The following ZNF845 variants were observed in gnomAD, a reference collection of about 807,000 sequenced individuals.
ZNF845 encodes the protein zinc finger protein 845.
Under a neutral mutation model 76.1 loss-of-function variants are expected in ZNF845, and 59 were observed. The observed-to-expected ratio is 0.78, with a 90% CI of 0.63 to 0.96. The LOEUF is 0.96. Ranked by LOEUF, ZNF845 falls within the 40% of genes least tolerant of loss-of-function variation. The pLI is 0.00. For missense variants in ZNF845, 1,045 were observed against 1,172.8 expected (o/e 0.89, Z 1.59); for synonymous variants, 361 against 386.9 (o/e 0.93, Z 0.78).
In ZNF845 at chr19:53,341,260, C is replaced by T. The variant is rs3746311; in HGVS notation, c.-48C>T. 0.02 allele frequency: 32,536 copies of T among 1,611,446 alleles called. 1,180 individuals are homozygous for T. Among genetic ancestry groups the T allele is most frequent in the East Asian group, 0.13 (5,700 of 44,838 alleles). ...GATTGACTTCTAAAGACTCTTGGTA[C>T]GTGAGGAAGAAACCCGGAAGAGGAA... On this transcript the variant is annotated 5_prime_UTR_variant, in exon 2 of 4. In the 5' UTR this introduces an upstream ATG that the reference lacks. Transcript: ENST00000458035.
chr19:53,335,776 GTT>G (rs1304544695), intron 1 of ZNF845, among the ~76,000 whole-genome samples: 1 of 151,802 alleles, frequency 6.6e-6, no homozygotes, highest in East Asian at 2.0e-4. Context: ...CTAATTTTGT[GTT>G]TTTAGTAGAG....
At chr19:53,339,622 C>T (rs892474159) in intron 1 of ZNF845, among the ~76,000 whole-genome samples, 2 of 152,184 alleles carry the variant, frequency 1.3e-5, no homozygotes, top group Non-Finnish European at 2.9e-5. Context: ...GTCTTAGACC[C>T]CAGGAATTTT....
At chr19:53,345,425 T>G in intron 2 of ZNF845, 81 bp from the exon 3 acceptor site, 1 of 1,607,748 alleles carries the variant, frequency 6.2e-7, no homozygotes, top group Non-Finnish European at 8.5e-7. Flanking sequence ...AAATCCATGC[T>G]TTCCTCTCTC....
At position 53,352,685 on chromosome 19, in the gene ZNF845, G is replaced by A; in HGVS notation, c.2010G>A (p.Lys670=). 6.2e-7 allele frequency: 1 copy of A among 1,613,642 alleles called. No individual in the cohort carries two copies. ...CTTACAGGTGTAATGAATGTGGCAA[G>A]ACCTTTAGTCGGAAGTCATACCTTA... ...EKPYRCNECG[K]TFSRKSYLTC... The change falls in exon 4 of 4, where the codon AAG becomes AAA. Residue 670 remains lysine, a synonymous_variant. Coordinates refer to ENST00000458035, the MANE Select transcript of ZNF845 (RefSeq NM_138374.3).
chr19:53,353,123 A>G lies in ZNF845; in HGVS notation c.2448A>G (p.Ser816=). ...NECGKNFRHN[S]ALVIHKAIHS... is the part of the protein sequence containing the mutation. The stretch of plus-strand genomic sequence containing the variant: ...GTGGCAAGAACTTCCGTCACAATTC[A>G]GCCCTTGTAATTCATAAGGCAATTC... Residue 816 remains serine (S), a synonymous_variant, in exon 4 of 4, where the codon TCA becomes TCG. Transcript: ENST00000458035. 4 of 1,598,882 alleles carry G rather than the reference A, an allele frequency of 2.5e-6. No individual in the cohort carries two copies. The highest frequency in any genetic ancestry group is 3.4e-6 in the Non-Finnish European group (4 of 1,166,968).
intron 1 of ZNF845, among the ~76,000 whole-genome samples, chr19:53,338,040 G>A (rs1009076707): frequency 6.6e-6 from 1 of 152,078 alleles, no homozygotes; most frequent in African/African-American, 2.4e-5. Flanking sequence ...AGTGTTTTGT[G>A]TCTCCCTTCT....
intron 1 of ZNF845, among the ~76,000 whole-genome samples, chr19:53,335,757 T>C (rs10409814): frequency 0.18 from 26,875 of 152,050 alleles, 3,150 homozygotes; most frequent in African/African-American, 0.32. Context: ...CATGAGCCAC[T>C]GCATCCAGCT....
At position 53,333,782 on chromosome 19, in the gene ZNF845, C is replaced by A; in HGVS notation, c.-84C>A. 6.3e-6 allele frequency: 1 copy of A among 159,964 alleles called. No homozygotes were observed. Among genetic ancestry groups the A allele is most frequent in the Non-Finnish European group, 1.4e-5 (1 of 72,600 alleles). 9.9% of individuals were successfully genotyped at this position (159,964 alleles called of 1,614,324 possible). The stretch of plus-strand genomic sequence containing the variant: ...AAGCGGATCGCATGGAGTGATGGTC[C>A]CACCGCAGCGGTGAGTTTTGCTCTG... On this transcript the variant is annotated 5_prime_UTR_variant, in exon 1 of 4. Coordinates refer to ENST00000458035, the MANE Select transcript of ZNF845 (RefSeq NM_138374.3).
intron 1 of ZNF845, among the ~76,000 whole-genome samples, chr19:53,338,694 GCACACACACACACACACACACA>G (rs57616883): frequency 7.1e-6 from 1 of 140,350 alleles, no homozygotes; most frequent in Non-Finnish European, 1.5e-5. Flanking sequence ...CAACACGTGA[GCACACACACACACACACACACA>G]CACACGCACA....
At chr19:53,341,378 C>T (rs2085255938) in intron 2 of ZNF845, 56 bp downstream of exon 2, 5 of 1,610,250 alleles carry the variant, frequency 3.1e-6, no homozygotes, top group Non-Finnish European at 4.2e-6. Context: ...AAATCCTGGG[C>T]CTTGGAGTTG....
At chr19:53,336,573 C>G (rs938856554) in intron 1 of ZNF845, among the ~76,000 whole-genome samples, 12 of 150,638 alleles carry the variant, frequency 8.0e-5, no homozygotes, top group African/African-American at 2.9e-4. Flanking sequence ...CTTTTGTTCT[C>G]GTTGTGTAAC....
intron 2 of ZNF845, among the ~76,000 whole-genome samples, chr19:53,342,928 C>T (rs898501582): frequency 9.9e-5 from 15 of 152,124 alleles, no homozygotes; most frequent in African/African-American, 3.4e-4. Context: ...AGGCGATTCT[C>T]CTGCCTCAGC....
At position 53,351,031 on chromosome 19, in the gene ZNF845, T is replaced by C; in HGVS notation, c.356T>C (p.Leu119Ser). The change falls in exon 4 of 4, where the codon TTG becomes TCG. Residue 119 changes from leucine (L) to serine (S), a missense_variant. Transcript: ENST00000458035. The stretch of plus-strand genomic sequence containing the variant: ...GCACCCATGACAGAAATCAAACAGT[T>C]GACGGGTAGTACAAACCGACATGAT... ...HEAPMTEIKQLTGSTNRHDQR... is the reference protein window; with the variant it reads ...HEAPMTEIKQSTGSTNRHDQR... 2 of 1,614,152 alleles carry C rather than the reference T, an allele frequency of 1.2e-6. No individual in the cohort carries two copies. Among genetic ancestry groups the C allele is most frequent in the Non-Finnish European group, 1.7e-6 (2 of 1,180,012 alleles).
In ZNF845 at chr19:53,351,638, T is replaced by C. The variant is rs1368424826; in HGVS notation, c.963T>C (p.His321=). 1 of 1,614,032 alleles carries C rather than the reference T, an allele frequency of 6.2e-7. No homozygotes were observed. Among genetic ancestry groups the C allele is most frequent in the South Asian group, 1.1e-5 (1 of 91,068 alleles). ...NSALVIHKAI[H]TGEKSYKCNE... ...CCCTTGTAATTCATAAGGCAATTCA[T>C]ACTGGAGAGAAATCTTACAAGTGTA... Residue 321 remains histidine, a synonymous_variant, in exon 4 of 4, where the codon CAT becomes CAC. Transcript: ENST00000458035.
At chr19:53,337,681 G>A (rs1309338167) in intron 1 of ZNF845, among the ~76,000 whole-genome samples, 1 of 152,098 alleles carries the variant, frequency 6.6e-6, no homozygotes, top group Non-Finnish European at 1.5e-5. Flanking sequence ...TGATTCTCCT[G>A]CCTCAGCCTC....
At chr19:53,343,497 C>T (rs1460089363) in intron 2 of ZNF845, among the ~76,000 whole-genome samples, 4 of 152,096 alleles carry the variant, frequency 2.6e-5, no homozygotes, top group Non-Finnish European at 4.4e-5. Context: ...GACAAGATTC[C>T]CCCCTGCCCC....
At position 53,351,242 on chromosome 19, in the gene ZNF845, T is replaced by C; in HGVS notation, c.567T>C (p.Ser189=). The C allele has an allele frequency of 6.2e-7, 1 of 1,614,242 alleles. No individual in the cohort carries two copies. Among genetic ancestry groups the C allele is most frequent in the Non-Finnish European group, 8.5e-7 (1 of 1,180,038 alleles). Residue 189 remains serine (S), a synonymous_variant, in exon 4 of 4, where the codon TCT becomes TCC. Transcript: ENST00000458035. ...CTTGTAGGCCTAAAACCCACATTTC[T>C]AAGAACTATGGGAATAATTTCCTGA... ...RISCRPKTHI[S]KNYGNNFLNS...
chr19:53,350,492 T>C (rs2085325273), intron 3 of ZNF845, among the ~76,000 whole-genome samples: 1 of 152,202 alleles, frequency 6.6e-6, no homozygotes, highest in South Asian at 2.1e-4. Flanking sequence ...TTTCTCCTCA[T>C]TGATGTGACA....
chr19:53,342,146 G>A (rs982993413), intron 2 of ZNF845, among the ~76,000 whole-genome samples: 1 of 151,054 alleles, frequency 6.6e-6, no homozygotes, highest in Non-Finnish European at 1.5e-5. Flanking sequence ...ACAAAGTCTT[G>A]CTTTGTCGCC....
Sources: gnomAD v4.1 joint callset for allele counts (sites outside exome capture counted in the v4.1 genomes callset) on GRCh38, gnomAD v4.1.1 for gene constraint, MANE v1.5 for transcripts, NCBI Gene and HGNC (gene_info 2026-07-23, HGNC 2026-07-21) for gene names.